The following SOX30 variants were observed in gnomAD, a reference collection of about 807,000 sequenced individuals.
SOX30 encodes SRY-box transcription factor 30.
Under a neutral mutation model 58.6 loss-of-function variants are expected in SOX30, and 17 were observed. That is an observed-to-expected ratio of 0.29 (90% confidence interval 0.20 to 0.44). The LOEUF (loss-of-function observed/expected upper bound fraction) is 0.44, where lower values mean the gene tolerates loss of function less well. Among genes scored for constraint, SOX30 ranks in the 20% least tolerant of loss-of-function variants. The pLI, the probability that SOX30 is intolerant of heterozygous loss-of-function variation, is 1.00. For missense variants in SOX30, 951 were observed against 965.8 expected (o/e 0.98, Z 0.20); for synonymous variants, 421 against 400.2 (o/e 1.05, Z -0.62).
At chr5:157,660,314 C>T (rs116400419) in intron 2 of SOX30, among the ~76,000 whole-genome samples, 2,229 of 152,052 alleles carry the variant, frequency 0.015, 44 homozygotes, top group African/African-American at 0.05. Context: ...CCTAGCTACT[C>T]GGGAGGCCGA....
At position 157,664,567 on chromosome 5, in the gene SOX30, A is replaced by G. The variant is rs529115275; in HGVS notation, c.52+3231T>C. Among the ~76,000 whole-genome samples, 57 of 152,352 alleles carry G rather than the reference A, an allele frequency of 3.7e-4. 1 individual carries two copies. The East Asian group carries it at 5.8e-3, about 15-fold the overall frequency. On this transcript the variant is annotated intron_variant, in intron 2 of 5. Transcript: ENST00000519442. The stretch of plus-strand genomic sequence containing the variant: ...TTCATGTCTAAACACCAAAACACCA[A>G]AAGCAATGGCAACAAAAGCCAAAAT...
chr5:157,659,762 C>CAT (rs1759543716), intron 2 of SOX30, among the ~76,000 whole-genome samples: 1 of 152,168 alleles, frequency 6.6e-6, no homozygotes. Context: ...GTAAGATGTA[C>CAT]ATAGCTTCAG....
At chr5:157,654,741 C>A (rs1401671036), upstream of SOX30, among the ~76,000 whole-genome samples, 2 of 152,178 alleles carry the variant, frequency 1.3e-5, no homozygotes, top group Non-Finnish European at 2.9e-5. Context: ...CCCACAAAAA[C>A]CAAGATGGTG....
At chr5:157,653,515 A>G (rs932322389), upstream of SOX30, among the ~76,000 whole-genome samples, 4 of 152,168 alleles carry the variant, frequency 2.6e-5, no homozygotes, top group South Asian at 6.2e-4. Flanking sequence ...AATAATCACT[A>G]CCTGTGTTAA....
Position 157,652,318 on chromosome 5 carries a change from G to A in SOX30, c.-240C>T. The A allele has an allele frequency of 8.2e-7, 1 of 1,224,504 alleles. No homozygotes were observed. 75.9% of individuals were successfully genotyped at this position (1,224,504 alleles called of 1,614,324 possible). A position where few individuals can be genotyped will look rare whatever the true frequency, so the allele number is the denominator to read the frequency against. ...TACTCTCGCCTCGTGCTGAGTCCTC[G>A]AATCACCTGCCATGGTAGGAGCCGC... On this transcript the variant is annotated 5_prime_UTR_variant, in exon 1 of 5. The change creates a premature stop within an existing upstream ORF in the 5' untranslated region. Transcript: ENST00000265007.
intron 1 of SOX30, among the ~76,000 whole-genome samples, chr5:157,650,082 A>G (rs939221577): frequency 2.0e-5 from 3 of 152,188 alleles, no homozygotes; most frequent in Admixed American, 6.5e-5. Context: ...TGAAATTTCA[A>G]CAAAGGAAGT....
intron 2 of SOX30, among the ~76,000 whole-genome samples, chr5:157,660,857 T>C (rs1759564039): frequency 1.3e-5 from 2 of 152,228 alleles, no homozygotes; most frequent in South Asian, 4.1e-4. Context: ...TAATGGTATT[T>C]AGATAGAAAT....
intron 2 of SOX30, among the ~76,000 whole-genome samples, chr5:157,667,195 G>T (rs989040260): frequency 6.6e-6 from 1 of 152,154 alleles, no homozygotes; most frequent in African/African-American, 2.4e-5. Flanking sequence ...CCTGACTGCT[G>T]CCCCAGACTC....
chr5:157,670,069 T>A (rs1196372826), intron 1 of SOX30, among the ~76,000 whole-genome samples: 1 of 152,196 alleles, frequency 6.6e-6, no homozygotes, highest in African/African-American at 2.4e-5. Context: ...TGGATCCTCA[T>A]CATCAGATAA....
chr5:157,664,522 A>C (rs1759633759), intron 2 of SOX30, among the ~76,000 whole-genome samples: 1 of 152,224 alleles, frequency 6.6e-6, no homozygotes, highest in African/African-American at 2.4e-5. Context: ...ACCATTCAGG[A>C]CATAGGCGTG....
At chr5:157,648,555 G>GA (rs1022911656) in intron 2 of SOX30, 102 bp downstream of exon 2, 6 of 1,117,978 alleles carry the variant, frequency 5.4e-6, no homozygotes, top group African/African-American at 3.1e-5. Flanking sequence ...GTACATATCA[G>GA]AAAAAAATTA....
At chr5:157,662,815 A>G (rs1759601734) in intron 2 of SOX30, among the ~76,000 whole-genome samples, 1 of 152,240 alleles carries the variant, frequency 6.6e-6, no homozygotes, top group Admixed American at 6.5e-5. Flanking sequence ...TCTGCATGAT[A>G]AAACCTAGGT....
intron 4 of SOX30, among the ~76,000 whole-genome samples, chr5:157,634,799 C>T (rs1395235463): frequency 6.6e-6 from 1 of 152,110 alleles, no homozygotes; most frequent in Non-Finnish European, 1.5e-5. Flanking sequence ...AGGTGCCCAC[C>T]ACCACACTTG....
chr5:157,652,487 A>G, upstream of SOX30: 1 of 664,018 alleles, frequency 1.5e-6, no homozygotes, highest in Non-Finnish European at 1.9e-6. Flanking sequence ...CATCCAGGGA[A>G]TGAAGTCTTG....
At chr5:157,669,872 T>A (rs1759745316) in intron 1 of SOX30, among the ~76,000 whole-genome samples, 1 of 152,058 alleles carries the variant, frequency 6.6e-6, no homozygotes, top group African/African-American at 2.4e-5. Context: ...TGGGGGTGGT[T>A]CTGAGGCTAC....
intron 3 of SOX30, 142 bp downstream of exon 3, chr5:157,646,495 A>T: frequency 1.5e-6 from 1 of 649,424 alleles, no homozygotes; most frequent in Non-Finnish European, 2.6e-6. Context: ...TCTCCTATTT[A>T]ATGTTCTCAC....
chr5:157,634,581 G>T (rs1758882435), intron 4 of SOX30, among the ~76,000 whole-genome samples: 1 of 151,950 alleles, frequency 6.6e-6, no homozygotes, highest in South Asian at 2.1e-4. Context: ...GTATATATAA[G>T]TATATCTCAA....
chr5:157,627,535 G>A lies in SOX30; in HGVS notation c.1881-814C>T, dbSNP rs147046647. ...ATTGAGGCACTGGAACAGAAGACAA[G>A]TTAAATTTTTTCATTGACATTCAAT... On this transcript the variant is annotated intron_variant, in intron 4 of 4. Transcript: ENST00000265007. Among the ~76,000 whole-genome samples the A allele has an allele frequency of 3.9e-3, 597 of 152,236 alleles. 4 individuals carry two copies. Among genetic ancestry groups the A allele is most frequent in the African/African-American group, 0.013 (559 of 41,532 alleles).
At chr5:157,666,228 C>T (rs1003146603) in intron 2 of SOX30, among the ~76,000 whole-genome samples, 5 of 151,992 alleles carry the variant, frequency 3.3e-5, no homozygotes, top group South Asian at 2.1e-4. Context: ...AATCATGGCT[C>T]GCTGTATTCT....
Sources: gnomAD v4.1 joint callset for allele counts (sites outside exome capture counted in the v4.1 genomes callset) on GRCh38, gnomAD v4.1.1 for gene constraint, MANE v1.5 for transcripts, NCBI Gene and HGNC (gene_info 2026-07-23, HGNC 2026-07-21) for gene names.